SCN3A: variants seen among roughly 807,000 people sequenced by gnomAD.
SCN3A encodes sodium voltage-gated channel alpha subunit 3.
SCN3A carries 60 observed loss-of-function variants against 187.6 expected under a neutral mutation model. The ratio of observed to expected loss-of-function variants is 0.32; its 90% confidence interval spans 0.26 to 0.40. The LOEUF (loss-of-function observed/expected upper bound fraction) is 0.40, where lower values mean the gene tolerates loss of function less well. Among genes scored for constraint, SCN3A ranks in the 10% least tolerant of loss-of-function variants. The pLI, the probability that SCN3A is intolerant of heterozygous loss-of-function variation, is 1.00. For synonymous variants in SCN3A, 788 were observed against 829.2 expected (o/e 0.95, Z 0.85); for missense variants, 1,601 against 2,428.2 (o/e 0.66, Z 7.16).
At position 165,092,141 on chromosome 2, in the gene SCN3A, T is replaced by C; in HGVS notation, c.4807+113A>G. 1.9e-6 allele frequency: 2 copies of C among 1,060,032 alleles called. No homozygotes were observed. The highest frequency in any genetic ancestry group is 2.9e-6 in the Non-Finnish European group (2 of 683,816). The allele number at this position is 1,060,032 out of a possible 1,614,324, so 65.7% of individuals were successfully genotyped here. ...ATTCAAATATGCTAGTGTTGAACTT[T>C]ACATCTATATGCATTATTATTCTCA... On this transcript the variant is annotated intron_variant, in intron 27 of 27. Transcript: ENST00000283254. This position sits in a 1 kb window ranked among gnomAD's most constrained non-coding sequence, Gnocchi z 4.2.
At chr2:165,191,272 G>T (rs567750495) in intron 1 of SCN3A, among the ~76,000 whole-genome samples, 1 of 152,066 alleles carries the variant, frequency 6.6e-6, no homozygotes, top group South Asian at 2.1e-4. Flanking sequence ...TCTCCCTGCT[G>T]CCAGCCTGAC....
chr2:165,155,641 C>T (rs1445978930), intron 10 of SCN3A, 121 bp downstream of exon 10: 45 of 1,053,084 alleles, frequency 4.3e-5, no homozygotes, highest in Non-Finnish European at 6.3e-5. Context: ...TCAAGTGATC[C>T]ATCCGCCTCT....
chr2:165,124,609 C>CT (rs1339480518), intron 18 of SCN3A, among the ~76,000 whole-genome samples: 3 of 152,176 alleles, frequency 2.0e-5, no homozygotes, highest in African/African-American at 7.2e-5. Flanking sequence ...ACCCTGACCT[C>CT]TAACTCAGAC....
chr2:165,170,428 A>C lies in SCN3A; in HGVS notation c.383+2T>G. On this transcript the variant is annotated splice_donor_variant, in intron 4 of 27. Coordinates refer to ENST00000283254, the MANE Select transcript of SCN3A (RefSeq NM_006922.4). LOFTEE classifies it high-confidence loss of function. ...TTTAGGCAATTCACATTAAAAGGAT[A>C]TGAATGTACCAAAATCTTGATAGCA... 1 of 1,488,298 alleles carries C rather than the reference A, an allele frequency of 6.7e-7. No homozygotes were observed. The highest frequency in any genetic ancestry group is 9.4e-7 in the Non-Finnish European group (1 of 1,066,058). 92.2% of individuals were successfully genotyped at this position (1,488,298 alleles called of 1,614,324 possible).
In SCN3A at chr2:165,139,489, G is replaced by A. The variant is rs764787466; in HGVS notation, c.2139C>T (p.Thr713=). 6.2e-7 allele frequency: 1 copy of A among 1,613,838 alleles called. No homozygotes were observed. The highest frequency in any genetic ancestry group is 8.5e-7 in the Non-Finnish European group (1 of 1,179,860). Residue 713 remains threonine, a synonymous_variant, in exon 14 of 28, where the codon ACC becomes ACT. Transcript: ENST00000283254. ...QRAVSIASIL[T]NTMEELEESR... is the part of the protein sequence containing the mutation. ...CCTGCTTCTTACCTTCCATTGTGTT[G>A]GTCAGAATGCTGGCTATGCTCACGG...
intron 21 of SCN3A, among the ~76,000 whole-genome samples, chr2:165,102,329 A>G (rs1049588955): frequency 2.6e-4 from 40 of 152,168 alleles, no homozygotes; most frequent in African/African-American, 9.2e-4. Flanking sequence ...TGCGCAATAG[A>G]GTGAGACCTT....
intron 16 of SCN3A, 115 bp downstream of exon 16, chr2:165,131,129 G>T: frequency 1.8e-6 from 1 of 548,206 alleles, no homozygotes; most frequent in Non-Finnish European, 2.7e-6. Flanking sequence ...TTCTTAGAAT[G>T]TCACATATTG....
At position 165,090,738 on chromosome 2, in the gene SCN3A, G is replaced by T. The variant is rs1313991577; in HGVS notation, c.5415C>A (p.Thr1805=). Residue 1805 remains threonine, a synonymous_variant, in exon 28 of 28, where the codon ACC becomes ACA. Coordinates refer to ENST00000283254, the MANE Select transcript of SCN3A (RefSeq NM_006922.4). The surrounding 1 kb of genome is among the most constrained non-coding windows in gnomAD (Gnocchi z 4.0). ...EVWEKFDPDA[T]QFIEFSKLSD... ...AGAGTTTAGAGAACTCTATAAACTG[G>T]GTCGCATCGGGATCAAACTTTTCCC... The T allele has an allele frequency of 5.6e-6, 9 of 1,614,004 alleles. No individual in the cohort carries two copies. Among genetic ancestry groups the T allele is most frequent in the Non-Finnish European group, 7.6e-6 (9 of 1,179,994 alleles).
chr2:165,198,955 A>G (rs1231907246), intron 1 of SCN3A, among the ~76,000 whole-genome samples: 1 of 152,054 alleles, frequency 6.6e-6, no homozygotes, highest in East Asian at 1.9e-4. Flanking sequence ...AACGTGTCCT[A>G]TTAAACCTTA....
chr2:165,091,433 A>C, intron 27 of SCN3A, 88 bp from the exon 28 acceptor site: 1 of 1,474,622 alleles, frequency 6.8e-7, no homozygotes, highest in Non-Finnish European at 9.4e-7. Flanking sequence ...GAACACAACA[A>C]ACTTGTTATG....
chr2:165,162,945 G>T, intron 7 of SCN3A, 117 bp from the exon 8 acceptor site: 1 of 1,209,978 alleles, frequency 8.3e-7, no homozygotes, highest in Non-Finnish European at 1.2e-6. Context: ...AGACACCAAA[G>T]CTGTATGGAT....
In SCN3A at chr2:165,091,481, G is replaced by A; in HGVS notation, c.4808-136C>T. The A allele has an allele frequency of 2.8e-6, 3 of 1,079,090 alleles. No individual in the cohort carries two copies. In the Admixed American group the frequency reaches 6.1e-5, roughly 22 times the overall value. 66.8% of individuals were successfully genotyped at this position (1,079,090 alleles called of 1,614,324 possible). On this transcript the variant is annotated intron_variant, in intron 27 of 27. Transcript: ENST00000283254. The stretch of plus-strand genomic sequence containing the variant: ...TATTAAATATTTGGATCCACTCCCT[G>A]ACATTAGCAATTACAGATTACAGAG...
At position 165,159,011 on chromosome 2, in the gene SCN3A, A is replaced by G. The variant is rs1239659676; in HGVS notation, c.1032-3108T>C. On this transcript the variant is annotated intron_variant, in intron 9 of 27. Transcript: ENST00000283254. ...GTAAGACTATGTTTATTTTGTAAGA[A>G]ACCGCCAAACTGTCTTCCAAGGCGG... 1.5e-5 allele frequency among the ~76,000 whole-genome samples: 2 copies of G among 137,856 alleles called. 1 individual carries two copies. Among genetic ancestry groups the G allele is most frequent in the Non-Finnish European group, 3.0e-5 (2 of 66,658 alleles). The allele number at this position is 137,856 out of a possible 152,430, so 90.4% of individuals were successfully genotyped here.
chr2:165,160,291 T>A (rs183058585), intron 9 of SCN3A, among the ~76,000 whole-genome samples: 1 of 152,170 alleles, frequency 6.6e-6, no homozygotes, highest in South Asian at 2.1e-4. Flanking sequence ...TATTTCATTA[T>A]ATATTACAGT....
At chr2:165,200,921 C>T (rs1320536901) in intron 1 of SCN3A, among the ~76,000 whole-genome samples, 1 of 152,002 alleles carries the variant, frequency 6.6e-6, no homozygotes, top group African/African-American at 2.4e-5. Context: ...CTTATTGTAC[C>T]GTTAATAGAA....
At chr2:165,161,224 A>G (rs1026472928) in intron 9 of SCN3A, among the ~76,000 whole-genome samples, 4 of 139,766 alleles carry the variant, frequency 2.9e-5, no homozygotes, top group African/African-American at 5.4e-5. Context: ...AATTCTTACA[A>G]TTGTCCATGT....
chr2:165,164,254 G>A, intron 6 of SCN3A, 138 bp downstream of exon 6: 1 of 1,063,808 alleles, frequency 9.4e-7, no homozygotes, highest in Non-Finnish European at 1.4e-6. Flanking sequence ...ATTCTAATAT[G>A]TATTCTTAAA....
At chr2:165,135,603 C>G (rs1283673492) in intron 15 of SCN3A, among the ~76,000 whole-genome samples, 2 of 152,056 alleles carry the variant, frequency 1.3e-5, no homozygotes, top group Admixed American at 1.3e-4. Flanking sequence ...CTTTCTTTCT[C>G]TCTCACATGC....
chr2:165,114,430 TA>T (rs1420754638), intron 19 of SCN3A, among the ~76,000 whole-genome samples: 1 of 152,214 alleles, frequency 6.6e-6, no homozygotes, highest in East Asian at 1.9e-4. Flanking sequence ...GAAGCTAATT[TA>T]TTTTTCAGCC....
Sources: allele counts gnomAD v4.1 joint callset (sites outside exome capture counted in the v4.1 genomes callset), GRCh38; gene constraint gnomAD v4.1.1; non-coding constraint Gnocchi (gnomAD v3.1); transcripts MANE v1.5; gene names NCBI Gene and HGNC (gene_info 2026-07-23, HGNC 2026-07-21).